Variants in LARGE1 observed in about 807,000 individuals in gnomAD.
LARGE1 encodes xylosyl- and glucuronyltransferase LARGE1.
In LARGE1, 43 loss-of-function variants were observed where a neutral mutation model predicts 87.6. That is an observed-to-expected ratio of 0.49 (90% confidence interval 0.38 to 0.63). LARGE1 has a LOEUF of 0.63. LARGE1 is among the 30% of genes least tolerant of loss of function. The probability of loss-of-function intolerance (pLI) is 0.00; values close to 1 mark genes in which losing one functional copy is unlikely to be tolerated. For missense variants in LARGE1, 802 were observed against 1,000.2 expected, an observed-to-expected ratio of 0.80 and a Z score of 2.67; for synonymous variants, 434 against 394.6, an observed-to-expected ratio of 1.10 and a Z score of -1.18.
At chr22:33,868,028 C>G (rs935584021) in intron 1 of LARGE1, among the ~76,000 whole-genome samples, 1 of 152,208 alleles carries the variant, frequency 6.6e-6, no homozygotes, top group East Asian at 1.9e-4. Context: ...TTGCAGCACA[C>G]TACCCGCTCC....
rs571248144 is a variant in LARGE1 at position 33,480,497 on chromosome 22, A to T, written c.788-48232T>A. ...CGTAGAGGTTCCTGTGCTCCCAGGG[A>T]GTATTTTCCAGAAAGCAGCCTTCTT... On this transcript the variant is annotated intron_variant, in intron 6 of 14. Transcript: ENST00000397394. Among the ~76,000 whole-genome samples, 7 of 152,270 alleles carry T rather than the reference A, an allele frequency of 4.6e-5. No individual in the cohort carries two copies. The South Asian group carries it at 1.5e-3, about 32-fold the overall frequency.
chr22:33,848,926 A>G (rs76103332), intron 1 of LARGE1, among the ~76,000 whole-genome samples: 3,557 of 151,908 alleles, frequency 0.023, 140 homozygotes, highest in African/African-American at 0.08. Flanking sequence ...ATAAAGGCAA[A>G]TTCTTTCTCC....
intron 1 of LARGE1, among the ~76,000 whole-genome samples, chr22:33,772,547 T>G (rs2145825612): frequency 6.6e-6 from 1 of 152,034 alleles, no homozygotes; most frequent in East Asian, 1.9e-4. Context: ...TATGTTGGGC[T>G]CTTTGCTGGA....
At chr22:33,511,347 C>A (rs1281731649) in intron 6 of LARGE1, among the ~76,000 whole-genome samples, 1 of 152,114 alleles carries the variant, frequency 6.6e-6, no homozygotes, top group Non-Finnish European at 1.5e-5. Context: ...TACTTTTAGT[C>A]TCTGATACAG....
At chr22:33,641,344 C>A (rs1246679033) in intron 3 of LARGE1, among the ~76,000 whole-genome samples, 4 of 152,140 alleles carry the variant, frequency 2.6e-5, no homozygotes, top group Admixed American at 6.6e-5. Context: ...GCAATAACAT[C>A]AACATCAACA....
At chr22:33,812,893 G>A (rs562193000) in intron 1 of LARGE1, among the ~76,000 whole-genome samples, 126 of 152,284 alleles carry the variant, frequency 8.3e-4, no homozygotes, top group African/African-American at 3.0e-3. Flanking sequence ...GCCTCCTCAA[G>A]GAGACAAAGA....
At chr22:33,332,888 G>A (rs988459316) in intron 10 of LARGE1, among the ~76,000 whole-genome samples, 1 of 152,114 alleles carries the variant, frequency 6.6e-6, no homozygotes, top group African/African-American at 2.4e-5. Flanking sequence ...ATGAGTGCTA[G>A]CTGCACCTAC....
rs1289234071 is a variant in LARGE1 at position 33,559,397 on chromosome 22, G to A, written c.787+5451C>T. On this transcript the variant is annotated intron_variant, in intron 6 of 14. Transcript: ENST00000397394. The stretch of plus-strand genomic sequence containing the variant: ...GGGTTTCGCCATGTTGGCCAGGCTG[G>A]TCTCAAACTCCTGACCTCAGGTGAT... Among the ~76,000 whole-genome samples the A allele has an allele frequency of 2.0e-5, 3 of 152,180 alleles. No homozygotes were observed. In the East Asian group the frequency reaches 5.8e-4, roughly 29 times the overall value.
intron 6 of LARGE1, among the ~76,000 whole-genome samples, chr22:33,541,850 G>A (rs559209028): frequency 1.6e-4 from 24 of 151,892 alleles, no homozygotes; most frequent in Non-Finnish European, 2.2e-4. Flanking sequence ...CCTACTGTAC[G>A]TGTCTATGAG....
chr22:33,537,194 G>A (rs1489496579), intron 6 of LARGE1, among the ~76,000 whole-genome samples: 3 of 152,220 alleles, frequency 2.0e-5, no homozygotes, highest in Non-Finnish European at 2.9e-5. Context: ...GAAATCACAC[G>A]TTTGTTCTCT....
intron 6 of LARGE1, among the ~76,000 whole-genome samples, chr22:33,490,161 T>C (rs899398537): frequency 1.5e-4 from 23 of 152,256 alleles, no homozygotes; most frequent in Admixed American, 6.5e-4. Flanking sequence ...ATCTGCATCA[T>C]GCAATATTAC....
At chr22:33,396,121 G>C (rs1197621068) in intron 7 of LARGE1, among the ~76,000 whole-genome samples, 1 of 152,218 alleles carries the variant, frequency 6.6e-6, no homozygotes, top group Non-Finnish European at 1.5e-5. Context: ...GGCTTTGCTG[G>C]TTTGAACCAG....
chr22:33,793,111 C>T (rs1013789978), intron 1 of LARGE1, among the ~76,000 whole-genome samples: 3 of 152,214 alleles, frequency 2.0e-5, no homozygotes, highest in African/African-American at 7.2e-5. Context: ...TTACCACACT[C>T]CTACAGCATC....
chr22:33,248,623 G>A (rs1420777094), intron 11 of LARGE1, among the ~76,000 whole-genome samples: 1 of 152,176 alleles, frequency 6.6e-6, no homozygotes, highest in African/African-American at 2.4e-5. Context: ...GGTCCATTCT[G>A]TGGGTCTGGA....
intron 6 of LARGE1, among the ~76,000 whole-genome samples, chr22:33,556,866 C>A (rs62227067): frequency 0.059 from 8,921 of 152,006 alleles, 399 homozygotes; most frequent in Non-Finnish European, 0.093. Flanking sequence ...ATCAGCCAGG[C>A]GTGGTGGTGC....
At chr22:33,837,257 T>TACAC (rs3072340) in intron 1 of LARGE1, among the ~76,000 whole-genome samples, 2,305 of 149,742 alleles carry the variant, frequency 0.015, 51 homozygotes, top group African/African-American at 0.053. Context: ...GTATTACATA[T>TACAC]ACACACACAC....
chr22:33,335,903 T>C (rs1289231842), intron 10 of LARGE1, among the ~76,000 whole-genome samples: 3 of 152,224 alleles, frequency 2.0e-5, no homozygotes, highest in Non-Finnish European at 2.9e-5. Flanking sequence ...TGGCTGATCA[T>C]TGTTTTCTGC....
intron 1 of LARGE1, among the ~76,000 whole-genome samples, chr22:33,905,306 C>T (rs558516557): frequency 4.0e-5 from 6 of 151,840 alleles, no homozygotes; most frequent in Admixed American, 2.0e-4. Context: ...TAGGCTCAAG[C>T]GATCCTCCCA....
At chr22:33,530,292 C>T (rs1218484674) in intron 6 of LARGE1, among the ~76,000 whole-genome samples, 1 of 152,148 alleles carries the variant, frequency 6.6e-6, no homozygotes, top group Non-Finnish European at 1.5e-5. Flanking sequence ...AATCAGGGGC[C>T]TTGGAAACAC....
Sources: gnomAD v4.1 joint callset for allele counts (sites outside exome capture counted in the v4.1 genomes callset) on GRCh38, gnomAD v4.1.1 for gene constraint, MANE v1.5 for transcripts, NCBI Gene and HGNC (gene_info 2026-07-23, HGNC 2026-07-21) for gene names.